The following SLC19A1 variants were observed in gnomAD, a reference collection of about 807,000 sequenced individuals.
SLC19A1 encodes the protein reduced folate transporter.
SLC19A1 carries 37 observed loss-of-function variants against 35.3 expected under a neutral mutation model. That is an observed-to-expected ratio of 1.05 (90% CI 0.81 to 1.38). The LOEUF (loss-of-function observed/expected upper bound fraction) is 1.38, where lower values mean the gene tolerates loss of function less well. Ranked by LOEUF, SLC19A1 falls within the 40% of genes most tolerant of loss-of-function variation. SLC19A1 has a pLI of 0.00. For synonymous variants in SLC19A1, 460 were observed against 398.5 expected (o/e 1.15, Z -1.84); for missense variants, 831 against 826.9 (o/e 1.00, Z -0.06).
chr21:45,511,305 T>C (rs1568955560), downstream of SLC19A1: 4 of 755,836 alleles, frequency 5.3e-6, no homozygotes, highest in South Asian at 4.4e-5. Flanking sequence ...ATCTGCAGTT[T>C]CCCCCCGAGT....
intron 1 of SLC19A1, among the ~76,000 whole-genome samples, chr21:45,538,603 C>T (rs1374430379): frequency 2.0e-5 from 3 of 152,170 alleles, no homozygotes; most frequent in Non-Finnish European, 2.9e-5. Context: ...GGCGTGCAGG[C>T]CAAGCCCACA....
At chr21:45,518,437 A>G (rs1445962296) in intron 5 of SLC19A1, among the ~76,000 whole-genome samples, 1 of 152,226 alleles carries the variant, frequency 6.6e-6, no homozygotes, top group African/African-American at 2.4e-5. Flanking sequence ...TGGGGTTCAA[A>G]AAGCATTTCA....
In SLC19A1 at chr21:45,515,587, G is replaced by A. The variant is rs117649466; in HGVS notation, c.*71C>T. 3.3e-5 allele frequency: 52 copies of A among 1,592,622 alleles called. No individual in the cohort carries two copies. In the East Asian group the frequency reaches 7.4e-4, roughly 23 times the overall value. ...GGAGGCCCCCATTGCTAAGGCAGGC[G>A]GCCCTCGAGGCAGGGGTCGTGGGGA... On this transcript the variant is annotated 3_prime_UTR_variant, in exon 6 of 6. Transcript: ENST00000311124.
Position 45,540,613 on chromosome 21 carries a change from G to A in SLC19A1, c.-50+1755C>T, listed in dbSNP as rs2078274135. On this transcript the variant is annotated intron_variant, in intron 1 of 5. Transcript: ENST00000311124. This position sits in a 1 kb window ranked among gnomAD's most constrained non-coding sequence, Gnocchi z 5.5. ...ACAGAGGCTTGGCCATCACGGCCCA[G>A]ACCACCTCCAAGAGGAAAGATAGGG... Among the ~76,000 whole-genome samples, 1 of 152,170 alleles carries A rather than the reference G, an allele frequency of 6.6e-6. No homozygotes were observed. Among genetic ancestry groups the A allele is most frequent in the African/African-American group, 2.4e-5 (1 of 41,440 alleles).
At chr21:45,554,740 G>A (rs1280367878) in intron 1 of SLC19A1, among the ~76,000 whole-genome samples, 1 of 151,202 alleles carries the variant, frequency 6.6e-6, no homozygotes, top group African/African-American at 2.4e-5. Flanking sequence ...CTTGGCTGTG[G>A]TGACTAAAGC....
At chr21:45,551,227 G>A (rs868480938) in intron 1 of SLC19A1, among the ~76,000 whole-genome samples, 1 of 151,692 alleles carries the variant, frequency 6.6e-6, no homozygotes, top group South Asian at 2.1e-4. Flanking sequence ...CAGCCTGGGC[G>A]ACAAGAGCGA....
chr21:45,560,816 T>A (rs2078608778), intron 1 of SLC19A1, among the ~76,000 whole-genome samples: 2 of 152,326 alleles, frequency 1.3e-5, no homozygotes, highest in Admixed American at 1.3e-4. Flanking sequence ...GGCTTGGAGC[T>A]GAGGGAGGCC....
In SLC19A1 at chr21:45,530,311, T is replaced by A. The variant is rs771339807; in HGVS notation, c.1151+459A>T. ...TCCATGTGTGCACGTGTGGTATGTG[T>A]TCATGAGTGTGTGGTGAGTGTCCAT... On this transcript the variant is annotated intron_variant, in intron 4 of 5. Coordinates refer to ENST00000311124, the MANE Select transcript of SLC19A1 (RefSeq NM_194255.4). The surrounding 1 kb of genome is among the most constrained non-coding windows in gnomAD (Gnocchi z 5.3). 6.6e-6 allele frequency among the ~76,000 whole-genome samples: 1 copy of A among 150,808 alleles called. No homozygotes were observed. Among genetic ancestry groups the A allele is most frequent in the Non-Finnish European group, 1.5e-5 (1 of 67,734 alleles).
Position 45,534,755 on chromosome 21 carries a change from GC to G in SLC19A1, c.190-2608del, listed in dbSNP as rs970586068. 6.0e-5 allele frequency: 39 copies of G among 651,548 alleles called. No homozygotes were observed. The African/African-American group carries it at 6.5e-4, about 11-fold the overall frequency. The allele number at this position is 651,548 out of a possible 1,614,324, so 40.4% of individuals were successfully genotyped here. On this transcript the variant is annotated intron_variant, in intron 2 of 5. Transcript: ENST00000311124. The surrounding 1 kb of genome is among the most constrained non-coding windows in gnomAD (Gnocchi z 4.2). ...GGCAGGCAGACAGCAGGGAGGCTCT[GC>G]CCAGAGCTGTGACCTGCGTCCCACT...
At chr21:45,503,648 AGGG>A (rs1399435227) in intron 3 of SLC19A1, among the ~76,000 whole-genome samples, 1 of 56,296 alleles carries the variant, frequency 1.8e-5, no homozygotes, top group Non-Finnish European at 3.2e-5. Flanking sequence ...GGGTGGGGGG[AGGG>A]GGGAGGGATA....
intron 5 of SLC19A1, among the ~76,000 whole-genome samples, chr21:45,518,257 A>G (rs1300873249): frequency 6.6e-6 from 1 of 152,248 alleles, no homozygotes; most frequent in East Asian, 1.9e-4. Flanking sequence ...AAAATAGAAG[A>G]GGCAGAGAAA....
intron 3 of SLC19A1, chr21:45,505,796 C>T (rs755233390): frequency 2.0e-6 from 3 of 1,471,484 alleles, no homozygotes; most frequent in Non-Finnish European, 9.3e-7. Flanking sequence ...TGCCCCCCGC[C>T]CTCCCCGCCA....
chr21:45,510,362 A>G, downstream of SLC19A1: 1 of 1,311,828 alleles, frequency 7.6e-7, no homozygotes, highest in Non-Finnish European at 1.1e-6. Flanking sequence ...TCTGGAGGCC[A>G]CCATGTTACA....
chr21:45,504,331 C>A, intron 3 of SLC19A1: 1 of 1,423,048 alleles, frequency 7.0e-7, no homozygotes, highest in Non-Finnish European at 9.7e-7. Context: ...CTTCTGACTG[C>A]CCAGCCCTGG....
chr21:45,510,240 C>G (rs369895316), downstream of SLC19A1: 35 of 1,605,842 alleles, frequency 2.2e-5, no homozygotes, highest in African/African-American at 4.7e-4. Flanking sequence ...ACCGCGCAGC[C>G]GTGCCCATCG....
chr21:45,521,767 A>C (rs889409548), intron 5 of SLC19A1, among the ~76,000 whole-genome samples: 6 of 152,358 alleles, frequency 3.9e-5, no homozygotes, highest in East Asian at 1.9e-4. Flanking sequence ...GGGAGAGCTA[A>C]GTCTTTTCAA....
chr21:45,548,411 C>T (rs2078434069), upstream of SLC19A1, among the ~76,000 whole-genome samples: 1 of 152,182 alleles, frequency 6.6e-6, no homozygotes, highest in Admixed American at 6.5e-5. Flanking sequence ...GTAAGTGACG[C>T]TTACAACTGA....
At chr21:45,529,286 G>T (rs1235470913) in intron 4 of SLC19A1, among the ~76,000 whole-genome samples, 1 of 152,246 alleles carries the variant, frequency 6.6e-6, no homozygotes, top group Non-Finnish European at 1.5e-5. Context: ...TGCTGCAGGG[G>T]TGAGGCCACT....
intron 1 of SLC19A1, among the ~76,000 whole-genome samples, chr21:45,555,625 C>T (rs1390115603): frequency 7.4e-6 from 1 of 135,428 alleles, no homozygotes; most frequent in African/African-American, 2.7e-5. Context: ...GTCCCGGGCA[C>T]TTGGGACTCA....
Sources: gnomAD v4.1 joint callset for allele counts (sites outside exome capture counted in the v4.1 genomes callset) on GRCh38, gnomAD v4.1.1 for gene constraint, Gnocchi (gnomAD v3.1) non-coding constraint, MANE v1.5 for transcripts, NCBI Gene and HGNC (gene_info 2026-07-23, HGNC 2026-07-21) for gene names.